Variants in TRIM66 observed in about 807,000 individuals in gnomAD.
TRIM66 encodes tripartite motif-containing protein 66.
TRIM66 carries 99 observed loss-of-function variants against 148.2 expected under a neutral mutation model. That is an observed-to-expected ratio of 0.67 (90% CI 0.57 to 0.79). The LOEUF (loss-of-function observed/expected upper bound fraction) is 0.79. TRIM66 is among the 30% of genes least tolerant of loss of function. The probability of loss-of-function intolerance (pLI) is 0.00; values close to 1 mark genes in which losing one functional copy is unlikely to be tolerated. For missense variants in TRIM66, 1,666 were observed against 1,697.9 expected (o/e 0.98, Z 0.33); for synonymous variants, 616 against 635.9 (o/e 0.97, Z 0.47).
intron 18 of TRIM66, 95 bp downstream of exon 18, chr11:8,622,721 C>T (rs1182867663): frequency 3.3e-6 from 4 of 1,194,620 alleles, no homozygotes; most frequent in Non-Finnish European, 4.8e-6. Flanking sequence ...ATTTCTTCCA[C>T]TTGTAGTTAA....
At chr11:8,618,119 G>A (rs188745891) in intron 24 of TRIM66, 116 bp from the exon 25 acceptor site, 137 of 998,482 alleles carry the variant, frequency 1.4e-4, no homozygotes, top group Admixed American at 9.0e-4. Flanking sequence ...TCTACCCTAG[G>A]AATGCAGCAG....
intron 6 of TRIM66, chr11:8,658,816 C>A: frequency 1.0e-6 from 1 of 985,280 alleles, no homozygotes; most frequent in Non-Finnish European, 1.2e-6. Context: ...GGGGGGCCTT[C>A]AACAGACATT....
intron 15 of TRIM66, among the ~76,000 whole-genome samples, chr11:8,626,925 G>C (rs183156516): frequency 6.6e-6 from 1 of 152,196 alleles, no homozygotes; most frequent in African/African-American, 2.4e-5. Context: ...ACCCCCTTCA[G>C]ATGGACTGCT....
chr11:8,655,804 A>T (rs1029876745), intron 6 of TRIM66, among the ~76,000 whole-genome samples: 15 of 152,024 alleles, frequency 9.9e-5, no homozygotes, highest in South Asian at 4.1e-4. Flanking sequence ...AAATAAAAAT[A>T]AAAAATTAAA....
chr11:8,642,523 C>T (rs973840143), intron 13 of TRIM66, among the ~76,000 whole-genome samples: 1 of 152,120 alleles, frequency 6.6e-6, no homozygotes, highest in African/African-American at 2.4e-5. Context: ...ATGCACAAGG[C>T]CATGAATTAT....
At chr11:8,650,319 G>C (rs1391850017) in intron 7 of TRIM66, among the ~76,000 whole-genome samples, 1 of 152,122 alleles carries the variant, frequency 6.6e-6, no homozygotes, top group Admixed American at 6.5e-5. Context: ...GCTGCAGTGA[G>C]CCAAGATCGT....
At chr11:8,632,981 T>C (rs10769936) in intron 15 of TRIM66, among the ~76,000 whole-genome samples, 100,922 of 151,908 alleles carry the variant, frequency 0.66, 34,007 homozygotes, top group Non-Finnish European at 0.72. Flanking sequence ...ACAGAAAAAG[T>C]AAAGAGGATC....
At chr11:8,629,704 C>A (rs2035212152) in intron 15 of TRIM66, among the ~76,000 whole-genome samples, 1 of 152,192 alleles carries the variant, frequency 6.6e-6, no homozygotes. Context: ...ACCTGATGAA[C>A]CTGGTCCCGT....
chr11:8,633,852 T>C (rs1339047299), intron 15 of TRIM66, among the ~76,000 whole-genome samples: 1 of 152,110 alleles, frequency 6.6e-6, no homozygotes, highest in African/African-American at 2.4e-5. Flanking sequence ...TCTCACTGAG[T>C]TTTTATAAGA....
Position 8,672,254 on chromosome 11 carries a change from C to T in TRIM66, c.21G>A (p.Trp7Ter), listed in dbSNP as rs1162912113. The T allele has an allele frequency of 4.6e-6, 7 of 1,536,002 alleles. No individual in the cohort carries two copies. In the African/African-American group the frequency reaches 6.8e-5, roughly 15 times the overall value. MARLSFWSQGVELARST... is the reference protein window; with the variant it reads MARLSF The stretch of plus-strand genomic sequence containing the variant: ...CTCAGCCTCAGTTCCTCACCTGGGA[C>T]CAAAAAGAGAGTCTAGCCATCTCTG... Residue 7 changes from tryptophan (W) to a stop codon, truncating the protein, a stop_gained, in exon 5 of 25, where the codon TGG becomes TGA. Transcript: ENST00000646038. LOFTEE classifies it high-confidence loss of function.
At chr11:8,635,443 G>A (rs1482350140) in intron 15 of TRIM66, among the ~76,000 whole-genome samples, 1 of 152,126 alleles carries the variant, frequency 6.6e-6, no homozygotes, top group Non-Finnish European at 1.5e-5. Flanking sequence ...CCTCCACCCT[G>A]CCCAACCCCA....
intron 6 of TRIM66, among the ~76,000 whole-genome samples, chr11:8,659,782 C>T (rs907867500): frequency 6.6e-6 from 1 of 152,226 alleles, no homozygotes; most frequent in African/African-American, 2.4e-5. Context: ...ATGGCCTGGA[C>T]AGCTGCGGTT....
At chr11:8,625,673 C>T (rs1316370135) in intron 15 of TRIM66, among the ~76,000 whole-genome samples, 1 of 152,176 alleles carries the variant, frequency 6.6e-6, no homozygotes, top group African/African-American at 2.4e-5. Context: ...ACTATACCAC[C>T]AGTGGCTTCT....
intron 3 of TRIM66, among the ~76,000 whole-genome samples, chr11:8,675,854 T>A (rs1253215811): frequency 6.6e-6 from 1 of 152,190 alleles, no homozygotes; most frequent in Non-Finnish European, 1.5e-5. Context: ...TTCTCCTGCC[T>A]CAGCCTCTCA....
At chr11:8,625,463 T>TTGTGTGTGTGTGTGTGTG (rs147088164) in intron 15 of TRIM66, among the ~76,000 whole-genome samples, 9,836 of 147,960 alleles carry the variant, frequency 0.066, 356 homozygotes, top group Middle Eastern at 0.1. Context: ...CGGAGAACTA[T>TTGTGTGTGTGTGTGTGTG]TGTGTGTGTG....
At chr11:8,629,489 T>C (rs1366695632) in intron 15 of TRIM66, among the ~76,000 whole-genome samples, 2 of 152,218 alleles carry the variant, frequency 1.3e-5, no homozygotes, top group African/African-American at 4.8e-5. Context: ...TCAGGTGCCA[T>C]ACGTCACAAG....
At position 8,640,840 on chromosome 11, in the gene TRIM66, A is replaced by G; in HGVS notation, c.1535T>C (p.Leu512Pro). ...QLGSLQCSALLPREKELACSP... is the reference protein window; with the variant it reads ...QLGSLQCSALPPREKELACSP... Reference sequence around the variant, plus strand: ...GCAGGCCAGCTCTTTCTCCCTGGGCAGCAGGGCAGAGCACTGCAGAGACCC... The same window carrying G: ...GCAGGCCAGCTCTTTCTCCCTGGGCGGCAGGGCAGAGCACTGCAGAGACCC... The change falls in exon 14 of 25, where the codon CTG becomes CCG. Residue 512 changes from leucine to proline, a missense_variant. This residue lies in a region of TRIM66 where 1,431 missense variants were observed against 1,412.4 expected (regional missense o/e 1.01). Transcript: ENST00000646038. 1 of 1,550,434 alleles carries G rather than the reference A, an allele frequency of 6.4e-7. No homozygotes were observed. The highest frequency in any genetic ancestry group is 8.7e-7 in the Non-Finnish European group (1 of 1,146,958).
intron 15 of TRIM66, among the ~76,000 whole-genome samples, chr11:8,627,025 C>G (rs2034914647): frequency 6.6e-6 from 1 of 152,248 alleles, no homozygotes; most frequent in African/African-American, 2.4e-5. Flanking sequence ...AGAAAGCCTT[C>G]TTTCATTCTC....
chr11:8,636,574 A>C (rs951085077), intron 15 of TRIM66, among the ~76,000 whole-genome samples: 1 of 152,018 alleles, frequency 6.6e-6, no homozygotes, highest in African/African-American at 2.4e-5. Flanking sequence ...ATGGGAAAAC[A>C]CCTGGGTGTT....
Sources: allele counts gnomAD v4.1 joint callset (sites outside exome capture counted in the v4.1 genomes callset), GRCh38; gene constraint gnomAD v4.1.1; regional missense constraint gnomAD v4.1.1; transcripts MANE v1.5; gene names NCBI Gene and HGNC (gene_info 2026-07-23, HGNC 2026-07-21).